The following ADCK1 variants were observed in gnomAD, a reference collection of about 807,000 sequenced individuals.
The protein encoded by ADCK1 is aarF domain-containing protein kinase 1.
ADCK1 carries 41 observed loss-of-function variants against 52.3 expected under a neutral mutation model. That is an observed-to-expected ratio of 0.78 (90% confidence interval 0.61 to 1.02). The LOEUF (loss-of-function observed/expected upper bound fraction) is 1.02. Among genes scored for constraint, ADCK1 ranks in the 50% least tolerant of loss-of-function variants. The pLI, the probability that ADCK1 is intolerant of heterozygous loss-of-function variation, is 0.00. For synonymous variants in ADCK1, 250 were observed against 274.6 expected (o/e 0.91, Z 0.89); for missense variants, 658 against 679.5 (o/e 0.97, Z 0.35).
At chr14:77,877,496 TG>T (rs2082926162) in intron 4 of ADCK1, among the ~76,000 whole-genome samples, 1 of 152,224 alleles carries the variant, frequency 6.6e-6, no homozygotes, top group African/African-American at 2.4e-5. Context: ...TGAGCCTTTG[TG>T]GCTGGGCGTT....
chr14:77,879,345 G>A (rs771214063), intron 4 of ADCK1, among the ~76,000 whole-genome samples: 5 of 152,314 alleles, frequency 3.3e-5, no homozygotes, highest in South Asian at 2.1e-4. Flanking sequence ...CAGCTGTGGC[G>A]ATTGCTCTCA....
In ADCK1 at chr14:77,829,762, A is replaced by G. The variant is rs1279261656; in HGVS notation, c.219+7244A>G. On this transcript the variant is annotated intron_variant, in intron 3 of 10. Coordinates refer to ENST00000238561, the MANE Select transcript of ADCK1 (RefSeq NM_020421.4). ...TTGTTTGACTCTCTTACACTCTAAA[A>G]TAGTTAAGACCACTGAAGCATTCAT... Among the ~76,000 whole-genome samples, 4 of 151,376 alleles carry G rather than the reference A, an allele frequency of 2.6e-5. No individual in the cohort carries two copies. In the East Asian group the frequency reaches 7.8e-4, roughly 29 times the overall value.
chr14:77,821,201 A>T (rs181153091), intron 2 of ADCK1: 1 of 152,256 alleles, frequency 6.6e-6, no homozygotes, highest in Admixed American at 6.5e-5. Flanking sequence ...AGGGAGGCAG[A>T]TATGGATCAG....
intron 4 of ADCK1, among the ~76,000 whole-genome samples, chr14:77,861,025 C>A (rs1428649963): frequency 2.0e-5 from 3 of 152,064 alleles, no homozygotes; most frequent in Non-Finnish European, 4.4e-5. Flanking sequence ...GTCATGGTGG[C>A]CCACCCAGCT....
At chr14:77,843,150 T>G (rs185550501) in intron 3 of ADCK1, among the ~76,000 whole-genome samples, 141 of 152,230 alleles carry the variant, frequency 9.3e-4, no homozygotes, top group Non-Finnish European at 1.6e-3. Flanking sequence ...TCTCAGAATC[T>G]CAAAATGCTG....
rs374086448 is a variant in ADCK1 at position 77,888,952 on chromosome 14, G to T, written c.582+1703G>T. 9.9e-5 allele frequency among the ~76,000 whole-genome samples: 15 copies of T among 151,880 alleles called. No individual in the cohort carries two copies. The South Asian group carries it at 1.0e-3, about 11-fold the overall frequency. Reference sequence around the variant, plus strand: ...AGCCCCCATAAGCCCCACATGTTGTGGGGGGGGACCTGGTGGGAGGTAATT... The same window carrying T: ...AGCCCCCATAAGCCCCACATGTTGTTGGGGGGGACCTGGTGGGAGGTAATT... On this transcript the variant is annotated intron_variant, in intron 5 of 10. Coordinates refer to ENST00000238561, the MANE Select transcript of ADCK1 (RefSeq NM_020421.4).
At chr14:77,844,333 G>C (rs894632510) in intron 3 of ADCK1, among the ~76,000 whole-genome samples, 113 of 152,014 alleles carry the variant, frequency 7.4e-4, no homozygotes, top group African/African-American at 2.7e-3. Context: ...CAACCACCTC[G>C]ACCTCCCAAA....
chr14:77,864,635 A>ATGTGTGTGTG (rs3082711), intron 4 of ADCK1, among the ~76,000 whole-genome samples: 3 of 150,376 alleles, frequency 2.0e-5, no homozygotes, highest in East Asian at 2.0e-4. Flanking sequence ...TAGGATATGA[A>ATGTGTGTGTG]TGTGTGTGTG....
intron 4 of ADCK1, among the ~76,000 whole-genome samples, chr14:77,869,135 G>A (rs779759973): frequency 6.6e-6 from 1 of 152,198 alleles, no homozygotes; most frequent in East Asian, 1.9e-4. Flanking sequence ...CTGGCCTGGA[G>A]TGGCAGGGAG....
intron 3 of ADCK1, among the ~76,000 whole-genome samples, chr14:77,858,237 ATTTC>A (rs919886281): frequency 1.8e-4 from 28 of 151,572 alleles, no homozygotes; most frequent in African/African-American, 6.8e-4. Context: ...TTTATTAGTG[ATTTC>A]TTTCTTTCTT....
intron 1 of ADCK1, among the ~76,000 whole-genome samples, chr14:77,816,818 C>CAGT (rs1412039556): frequency 6.8e-6 from 1 of 147,848 alleles, no homozygotes; most frequent in Non-Finnish European, 1.5e-5. Context: ...GTGGGGGATG[C>CAGT]AGTCTTGGGG....
chr14:77,879,971 A>T (rs1308481235), intron 4 of ADCK1, among the ~76,000 whole-genome samples: 2 of 152,178 alleles, frequency 1.3e-5, no homozygotes, highest in Admixed American at 6.5e-5. Flanking sequence ...TCAATATTAA[A>T]ATAACCATTT....
chr14:77,824,373 G>A (rs1203155862), intron 3 of ADCK1, among the ~76,000 whole-genome samples: 2 of 151,378 alleles, frequency 1.3e-5, no homozygotes, highest in African/African-American at 4.9e-5. Flanking sequence ...ATCTCTAATA[G>A]ATAGTCCATA....
At chr14:77,841,579 C>T (rs1262254079) in intron 3 of ADCK1, among the ~76,000 whole-genome samples, 1 of 149,730 alleles carries the variant, frequency 6.7e-6, no homozygotes, top group Non-Finnish European at 1.5e-5. Flanking sequence ...AATCCCAGCA[C>T]TTTGGTTGGG....
chr14:77,888,809 A>T (rs1181271739), intron 5 of ADCK1, among the ~76,000 whole-genome samples: 1 of 152,208 alleles, frequency 6.6e-6, no homozygotes, highest in East Asian at 1.9e-4. Flanking sequence ...GATACATTCC[A>T]AGACCCCCAG....
chr14:77,891,179 G>A (rs1428645520), intron 5 of ADCK1, among the ~76,000 whole-genome samples: 1 of 152,200 alleles, frequency 6.6e-6, no homozygotes, highest in African/African-American at 2.4e-5. Context: ...AGGTAGCATT[G>A]GAGACTCGAG....
chr14:77,851,172 C>T (rs569120987), intron 3 of ADCK1, among the ~76,000 whole-genome samples: 1 of 150,622 alleles, frequency 6.6e-6, no homozygotes, highest in South Asian at 2.1e-4. Flanking sequence ...GGTTGGAATG[C>T]AGTGGCACAA....
At chr14:77,921,161 A>C (rs1018302877) in intron 7 of ADCK1, among the ~76,000 whole-genome samples, 5 of 151,122 alleles carry the variant, frequency 3.3e-5, no homozygotes, top group East Asian at 2.0e-4. Flanking sequence ...CCCTGTCTCT[A>C]CTAAAAATAC....
At chr14:77,919,833 A>T (rs778362507) in intron 7 of ADCK1, among the ~76,000 whole-genome samples, 1 of 152,102 alleles carries the variant, frequency 6.6e-6, no homozygotes, top group Non-Finnish European at 1.5e-5. Flanking sequence ...CCTGATCATT[A>T]GTGACGTTGA....
Sources: gnomAD v4.1 joint callset for allele counts (sites outside exome capture counted in the v4.1 genomes callset) on GRCh38, gnomAD v4.1.1 for gene constraint, MANE v1.5 for transcripts, NCBI Gene and HGNC (gene_info 2026-07-23, HGNC 2026-07-21) for gene names.